The following ELP4 variants were observed in gnomAD, a reference collection of about 807,000 sequenced individuals.
The protein encoded by ELP4 is elongator acetyltransferase complex subunit 4.
ELP4 carries 51 observed loss-of-function variants against 48.9 expected under a neutral mutation model. That is an observed-to-expected ratio of 1.04 (90% CI 0.83 to 1.32). The LOEUF (loss-of-function observed/expected upper bound fraction) is 1.32, where lower values mean the gene tolerates loss of function less well. Ranked by LOEUF, ELP4 falls within the 40% of genes most tolerant of loss-of-function variation. The pLI, the probability that ELP4 is intolerant of heterozygous loss-of-function variation, is 0.00. For synonymous variants in ELP4, 210 were observed against 189.2 expected, an observed-to-expected ratio of 1.11 and a Z score of -0.90; for missense variants, 519 against 514.6, an observed-to-expected ratio of 1.01 and a Z score of -0.08.
chr11:31,759,644 A>G (rs1947903280), intron 9 of ELP4, among the ~76,000 whole-genome samples: 1 of 151,610 alleles, frequency 6.6e-6, no homozygotes, highest in Non-Finnish European at 1.5e-5. Context: ...CACTAATAGC[A>G]TTGTTTTTCA....
intron 9 of ELP4, among the ~76,000 whole-genome samples, chr11:31,674,597 A>G (rs1034061804): frequency 6.6e-6 from 1 of 152,234 alleles, no homozygotes; most frequent in African/African-American, 2.4e-5. Context: ...CATTTATAAA[A>G]CTGTGAAAAG....
chr11:31,676,240 C>T (rs1344699248), intron 9 of ELP4, among the ~76,000 whole-genome samples: 1 of 152,186 alleles, frequency 6.6e-6, no homozygotes, highest in Non-Finnish European at 1.5e-5. Flanking sequence ...CTTTTCATAG[C>T]TAACTGCCTC....
At chr11:31,695,042 TA>T (rs1234962353) in intron 9 of ELP4, among the ~76,000 whole-genome samples, 6 of 152,300 alleles carry the variant, frequency 3.9e-5, no homozygotes, top group Admixed American at 3.9e-4. Context: ...CTTATCAGCT[TA>T]AGGAGATTTT....
At chr11:31,765,661 A>G (rs1948027113) in intron 9 of ELP4, among the ~76,000 whole-genome samples, 1 of 152,130 alleles carries the variant, frequency 6.6e-6, no homozygotes, top group Non-Finnish European at 1.5e-5. Flanking sequence ...AATAGAGTGC[A>G]ACAATAGATC....
At chr11:31,553,108 C>A (rs1033783798) in intron 3 of ELP4, among the ~76,000 whole-genome samples, 2 of 152,188 alleles carry the variant, frequency 1.3e-5, no homozygotes, top group Admixed American at 6.5e-5. Flanking sequence ...TTCTCCATAA[C>A]CTTACTGTCA....
intron 9 of ELP4, among the ~76,000 whole-genome samples, chr11:31,680,379 A>G (rs1167993855): frequency 1.3e-5 from 2 of 152,198 alleles, no homozygotes; most frequent in Non-Finnish European, 2.9e-5. Context: ...GATATTTATG[A>G]TGATATTTCT....
chr11:31,776,556 C>G (rs916932134), intron 9 of ELP4, among the ~76,000 whole-genome samples: 11 of 152,202 alleles, frequency 7.2e-5, no homozygotes, highest in Admixed American at 7.2e-4. Flanking sequence ...CAGACACATG[C>G]CTTTTCACAA....
chr11:31,763,699 A>G, intron 9 of ELP4: 1 of 769,784 alleles, frequency 1.3e-6, no homozygotes, highest in East Asian at 2.9e-5. Flanking sequence ...TACAGCTAAA[A>G]CTGCAACCAA....
Position 31,546,018 on chromosome 11 carries a change from T to C in ELP4, c.381+6235T>C, listed in dbSNP as rs562464952. 5.1e-3 allele frequency among the ~76,000 whole-genome samples: 773 copies of C among 152,122 alleles called. 6 individuals are homozygous for C. Among genetic ancestry groups the C allele is most frequent in the African/African-American group, 0.018 (726 of 41,484 alleles). ...ATGGAAAGGAACAACCGGTACCAGCTGCTGCAAAATCATGCCAAAATGTAA... is the reference window on the plus strand; with the variant it reads ...ATGGAAAGGAACAACCGGTACCAGCCGCTGCAAAATCATGCCAAAATGTAA... On this transcript the variant is annotated intron_variant, in intron 3 of 9. Transcript: ENST00000640961.
intron 2 of ELP4, among the ~76,000 whole-genome samples, chr11:31,533,599 A>G (rs1036882912): frequency 8.6e-5 from 13 of 151,358 alleles, no homozygotes; most frequent in Non-Finnish European, 1.5e-4. Flanking sequence ...CGTGTTAGCC[A>G]GGATGGTCTC....
At chr11:31,691,482 TTA>T (rs1169143753) in intron 9 of ELP4, among the ~76,000 whole-genome samples, 1 of 152,110 alleles carries the variant, frequency 6.6e-6, no homozygotes, top group Non-Finnish European at 1.5e-5. Context: ...TGGATGAGTT[TTA>T]AAGTCAGGCA....
intron 3 of ELP4, among the ~76,000 whole-genome samples, chr11:31,556,109 T>C (rs1160609769): frequency 1.3e-5 from 2 of 151,866 alleles, no homozygotes; most frequent in African/African-American, 4.8e-5. Context: ...GCCTAAGATA[T>C]ATAACCACCC....
rs1306679802 is a variant in ELP4 at position 31,575,601 on chromosome 11, A to G, written c.382-19169A>G. ...ACTAACAGCTGATCTCTCGGCAGAC[A>G]TTCTACAAACCAGAAGAGAGTGGGG... On this transcript the variant is annotated intron_variant, in intron 3 of 9. Coordinates refer to ENST00000640961, the MANE Select transcript of ELP4 (RefSeq NM_019040.5). Among the ~76,000 whole-genome samples, 3 of 152,266 alleles carry G rather than the reference A, an allele frequency of 2.0e-5. No homozygotes were observed. The East Asian group carries it at 5.8e-4, about 29-fold the overall frequency.
chr11:31,591,578 T>C (rs1162667279), intron 3 of ELP4, among the ~76,000 whole-genome samples: 2 of 152,168 alleles, frequency 1.3e-5, no homozygotes, highest in African/African-American at 4.8e-5. Context: ...CTAGGGTAGC[T>C]ATTTAAAAAT....
intron 3 of ELP4, among the ~76,000 whole-genome samples, chr11:31,540,482 A>AT (rs533020484): frequency 6.6e-6 from 1 of 151,930 alleles, no homozygotes; most frequent in African/African-American, 2.4e-5. Flanking sequence ...GCTTTAGGCA[A>AT]TTTTTTTTCT....
intron 9 of ELP4, among the ~76,000 whole-genome samples, chr11:31,701,207 T>G (rs553150979): frequency 9.2e-5 from 14 of 152,198 alleles, no homozygotes; most frequent in Non-Finnish European, 1.8e-4. Context: ...CAGTTTCTTT[T>G]CCTTTTTAAA....
intron 3 of ELP4, among the ~76,000 whole-genome samples, chr11:31,589,209 CT>C (rs1006126905): frequency 6.6e-6 from 1 of 152,152 alleles, no homozygotes; most frequent in African/African-American, 2.4e-5. Context: ...CTAAGCATCT[CT>C]TGAGTATCTT....
chr11:31,622,136 CTTA>C (rs1944636112), intron 5 of ELP4, among the ~76,000 whole-genome samples: 1 of 151,774 alleles, frequency 6.6e-6, no homozygotes, highest in African/African-American at 2.4e-5. Flanking sequence ...ATCAGGTAGT[CTTA>C]TTGAAAATCA....
chr11:31,531,247 T>C (rs1257867539), intron 2 of ELP4, among the ~76,000 whole-genome samples: 1 of 152,232 alleles, frequency 6.6e-6, no homozygotes, highest in South Asian at 2.1e-4. Flanking sequence ...ATAGTAGATG[T>C]GGATGATTTA....
Sources: allele counts gnomAD v4.1 joint callset (sites outside exome capture counted in the v4.1 genomes callset), GRCh38; gene constraint gnomAD v4.1.1; transcripts MANE v1.5; gene names NCBI Gene and HGNC (gene_info 2026-07-23, HGNC 2026-07-21).